The following IL1RAPL2 variants were observed in gnomAD, a reference collection of about 807,000 sequenced individuals.
IL1RAPL2 encodes the protein interleukin 1 receptor accessory protein like 2.
A neutral mutation model predicts 44.1 loss-of-function variants in IL1RAPL2; 3 were observed. The ratio of observed to expected loss-of-function variants is 0.07; its 90% CI spans 0.03 to 0.18. The LOEUF (loss-of-function observed/expected upper bound fraction) is 0.18, where lower values mean the gene tolerates loss of function less well. IL1RAPL2 is among the 10% of genes least tolerant of loss of function. The pLI, the probability that IL1RAPL2 is intolerant of heterozygous loss-of-function variation, is 1.00. For synonymous variants in IL1RAPL2, 181 were observed against 178.8 expected, an observed-to-expected ratio of 1.01 and a Z score of -0.10; for missense variants, 391 against 496.4, an observed-to-expected ratio of 0.79 and a Z score of 2.02.
intron 2 of IL1RAPL2, among the ~76,000 whole-genome samples, chrX:104,661,528 A>G (rs1267130371): frequency 9.0e-6 from 1 of 111,289 alleles, no homozygotes. Flanking sequence ...AAACGAGGAT[A>G]CTTTGGAGCA....
At chrX:104,628,783 G>A (rs376685553) in intron 1 of IL1RAPL2, among the ~76,000 whole-genome samples, 11 of 112,025 alleles carry the variant, frequency 9.8e-5, no homozygotes, top group African/African-American at 1.9e-4. Flanking sequence ...TTTTCTCTGC[G>A]TCCTCACCAG....
chrX:105,163,832 T>C (rs762038631), intron 2 of IL1RAPL2, among the ~76,000 whole-genome samples: 18 of 111,011 alleles, frequency 1.6e-4, no homozygotes, highest in Non-Finnish European at 3.4e-4. Flanking sequence ...TCCTTTCCTA[T>C]GTAAACTTGT....
At chrX:105,409,005 A>G (rs936087605) in intron 5 of IL1RAPL2, among the ~76,000 whole-genome samples, 95 of 111,777 alleles carry the variant, frequency 8.5e-4, no homozygotes, top group African/African-American at 2.9e-3. Context: ...GCAGTGTTAC[A>G]ATAGATCATT....
At chrX:105,727,045 T>G (rs2038358238) in intron 7 of IL1RAPL2, among the ~76,000 whole-genome samples, 2 of 110,440 alleles carry the variant, frequency 1.8e-5, no homozygotes, top group Non-Finnish European at 3.8e-5. Context: ...TTTAATTTTT[T>G]TAAACATACC....
chrX:105,222,068 C>T (rs1603019342), intron 3 of IL1RAPL2, among the ~76,000 whole-genome samples: 1 of 111,333 alleles, frequency 9.0e-6, no homozygotes, highest in East Asian at 2.8e-4. Context: ...TTGATGGATC[C>T]TTGTGGCACA....
At chrX:104,659,449 A>G (rs1930344454) in intron 2 of IL1RAPL2, among the ~76,000 whole-genome samples, 1 of 111,888 alleles carries the variant, frequency 8.9e-6, no homozygotes, top group African/African-American at 3.2e-5. Context: ...ACAGCCTCCA[A>G]GTTCAGAATT....
chrX:104,821,349 A>C (rs1422107546), intron 2 of IL1RAPL2, among the ~76,000 whole-genome samples: 1 of 110,728 alleles, frequency 9.0e-6, no homozygotes, highest in Non-Finnish European at 1.9e-5. Flanking sequence ...GAACCCATCA[A>C]CCTGTCATCT....
At chrX:105,173,010 C>G in intron 2 of IL1RAPL2, among the ~76,000 whole-genome samples, 1 of 110,812 alleles carries the variant, frequency 9.0e-6, no homozygotes, top group African/African-American at 3.3e-5. Context: ...ATGGTAATCT[C>G]TTAATAATTT....
At chrX:105,746,838 CAGAG>C (rs919626831) in intron 8 of IL1RAPL2, among the ~76,000 whole-genome samples, 1 of 110,996 alleles carries the variant, frequency 9.0e-6, no homozygotes, top group Admixed American at 9.6e-5. Flanking sequence ...CTCTTCTGAC[CAGAG>C]AGAGAGACAG....
chrX:105,244,917 T>C (rs915990958), intron 4 of IL1RAPL2, among the ~76,000 whole-genome samples: 1 of 111,648 alleles, frequency 9.0e-6, no homozygotes, highest in Non-Finnish European at 1.9e-5. Context: ...AACAGCTGGA[T>C]TGGTTACAGC....
At chrX:105,640,053 A>G (rs1287391776) in intron 6 of IL1RAPL2, among the ~76,000 whole-genome samples, 1 of 110,937 alleles carries the variant, frequency 9.0e-6, no homozygotes. Context: ...ACCTATCTGC[A>G]TATCTATCTA....
intron 6 of IL1RAPL2, among the ~76,000 whole-genome samples, chrX:105,512,034 A>T (rs967146390): frequency 2.7e-5 from 3 of 110,869 alleles, no homozygotes; most frequent in African/African-American, 3.3e-5. Context: ...CTCGAATTTC[A>T]AACTGTTAAT....
chrX:105,404,723 A>G (rs2035629957), intron 5 of IL1RAPL2, among the ~76,000 whole-genome samples: 1 of 111,875 alleles, frequency 8.9e-6, no homozygotes, highest in Non-Finnish European at 1.9e-5. Flanking sequence ...AGAACTGATG[A>G]TTTGTCATCT....
chrX:105,460,520 G>T lies in IL1RAPL2; in HGVS notation c.698-23793G>T, dbSNP rs148698601. On this transcript the variant is annotated intron_variant, in intron 5 of 10. Transcript: ENST00000372582. ...TTACATTGGGTCTCTCAAATATGGA[G>T]TATTAATCACATAAGCACGTAAATA... Among the ~76,000 whole-genome samples, 309 of 110,426 alleles carry T rather than the reference G, an allele frequency of 2.8e-3. 1 individual carries two copies. The highest frequency in any genetic ancestry group is 5.3e-3 in the Non-Finnish European group (280 of 52,706).
rs893663269 is a variant in IL1RAPL2 at position 104,566,681 on chromosome X, A to C, written c.-390A>C. The stretch of plus-strand genomic sequence containing the variant: ...GCAGGCGACTTAGGAGAGTCTAGTC[A>C]CTGAGAGACAGAGGCAGCATCTGCC... On this transcript the variant is annotated 5_prime_UTR_variant, in exon 1 of 11. Coordinates refer to ENST00000372582, the MANE Select transcript of IL1RAPL2 (RefSeq NM_017416.2). 8.8e-6 allele frequency: 1 copy of C among 113,162 alleles called. No individual in the cohort carries two copies. The allele number at this position is 113,162 out of a possible 1,213,427, so 9.3% of individuals were successfully genotyped here.
At chrX:104,646,402 CATGGT>C (rs1930041462) in intron 1 of IL1RAPL2, among the ~76,000 whole-genome samples, 1 of 108,926 alleles carries the variant, frequency 9.2e-6, no homozygotes, top group South Asian at 3.9e-4. Flanking sequence ...GAATCTAGAT[CATGGT>C]ACATAATAGG....
intron 2 of IL1RAPL2, among the ~76,000 whole-genome samples, chrX:104,884,563 C>A (rs1402545196): frequency 1.0e-5 from 1 of 97,154 alleles, no homozygotes; most frequent in Non-Finnish European, 2.2e-5. Context: ...CCCGCAAACC[C>A]TGAAAAAGAG....
At chrX:104,816,152 G>A (rs770004240) in intron 2 of IL1RAPL2, among the ~76,000 whole-genome samples, 5 of 111,303 alleles carry the variant, frequency 4.5e-5, no homozygotes, top group Admixed American at 9.6e-5. Flanking sequence ...CTTTGTTGAG[G>A]ATACTATATG....
In IL1RAPL2 at chrX:104,960,227, C is replaced by T. The variant is rs761576665; in HGVS notation, c.83-235248C>T. 4.5e-5 allele frequency among the ~76,000 whole-genome samples: 5 copies of T among 111,826 alleles called. No homozygotes were observed. In the East Asian group the frequency reaches 1.1e-3, roughly 25 times the overall value. On this transcript the variant is annotated intron_variant, in intron 2 of 10. Coordinates refer to ENST00000372582, the MANE Select transcript of IL1RAPL2 (RefSeq NM_017416.2). ...TTAGCTTGTGAGGTTAACTCTAGAA[C>T]AGAAAGCTGGGGAAGTCTATTGAAG... is the stretch of plus-strand genomic sequence containing the variant.
Sources: gnomAD v4.1 joint callset for allele counts (sites outside exome capture counted in the v4.1 genomes callset) on GRCh38, gnomAD v4.1.1 for gene constraint, MANE v1.5 for transcripts, NCBI Gene and HGNC (gene_info 2026-07-23, HGNC 2026-07-21) for gene names.